Variants in HDAC3 observed in about 807,000 individuals in gnomAD.
HDAC3 encodes the protein histone deacetylase 3.
Under a neutral mutation model 62.3 loss-of-function variants are expected in HDAC3, and 21 were observed. The ratio of observed to expected loss-of-function variants is 0.34; its 90% confidence interval spans 0.24 to 0.49. The LOEUF (loss-of-function observed/expected upper bound fraction) is 0.49, where lower values mean the gene tolerates loss of function less well. HDAC3 is among the 20% of genes least tolerant of loss of function. The probability of loss-of-function intolerance (pLI) is 0.99; values close to 1 mark genes in which losing one functional copy is unlikely to be tolerated. For synonymous variants in HDAC3, 198 were observed against 206.5 expected, an observed-to-expected ratio of 0.96 and a Z score of 0.35; for missense variants, 270 against 556.9, an observed-to-expected ratio of 0.48 and a Z score of 5.19.
intron 14 of HDAC3, among the ~76,000 whole-genome samples, chr5:141,624,128 A>G (rs370226098): frequency 6.6e-6 from 1 of 151,578 alleles, no homozygotes; most frequent in South Asian, 2.1e-4. Context: ...AGAGCCTTAG[A>G]GAGTATTACG....
rs1014900523 is a variant in HDAC3 at position 141,626,636 on chromosome 5, A to G, written c.831-353T>C. Among the ~76,000 whole-genome samples the G allele has an allele frequency of 2.7e-4, 41 of 151,912 alleles. No individual in the cohort carries two copies. Among genetic ancestry groups the G allele is most frequent in the African/African-American group, 9.9e-4 (41 of 41,370 alleles). ...GCCTTTGTAGTAGTCCCAGCTACTC[A>G]GGAGGCTGAGGCAGGAGAAATGCTT... On this transcript the variant is annotated intron_variant, in intron 10 of 14. Transcript: ENST00000305264. This position sits in a 1 kb window ranked among gnomAD's most constrained non-coding sequence, Gnocchi z 4.6.
intron 3 of HDAC3, among the ~76,000 whole-genome samples, chr5:141,631,779 A>C (rs2545025): frequency 0.11 from 17,441 of 152,200 alleles, 1,092 homozygotes; most frequent in South Asian, 0.15. Flanking sequence ...GGTAAAAGGA[A>C]ACAATAATAG....
chr5:141,632,276 C>T (rs58343820), intron 3 of HDAC3, among the ~76,000 whole-genome samples: 8,217 of 152,028 alleles, frequency 0.054, 244 homozygotes, highest in African/African-American at 0.18. Flanking sequence ...CCACCCGCCT[C>T]GGCCTCCGAA....
At position 141,636,575 on chromosome 5, in the gene HDAC3, C is replaced by T. The variant is rs2099906050; in HGVS notation, c.111G>A (p.Leu37=). The T allele has an allele frequency of 1.2e-6, 2 of 1,613,936 alleles. No homozygotes were observed. The highest frequency in any genetic ancestry group is 2.7e-5 in the African/African-American group (2 of 74,878). The change falls in exon 2 of 15, where the codon CTG becomes CTA. Residue 37 remains leucine (L), a synonymous_variant. Transcript: ENST00000305264. The stretch of plus-strand genomic sequence containing the variant: ...TCATCTTCTTATAGAGACCGTAATG[C>T]AGGACCAGGCTATGGGTCAATGCCA... ...HRLALTHSLV[L]HYGLYKKMIV...
intron 3 of HDAC3, among the ~76,000 whole-genome samples, chr5:141,630,623 G>A (rs2099905065): frequency 6.6e-6 from 1 of 152,158 alleles, no homozygotes. Flanking sequence ...ATAAATGTCA[G>A]CTATAATTAT....
Position 141,621,185 on chromosome 5 carries a change from G to A in HDAC3, c.*283C>T, listed in dbSNP as rs1309797730. On this transcript the variant is annotated 3_prime_UTR_variant, in exon 15 of 15. Transcript: ENST00000305264. ...CGAGGGAAGCAGGGAAGAAATAAGG[G>A]GCAAGGGGGGCTAGGGACTGGCCTC... 2.6e-6 allele frequency: 1 copy of A among 379,056 alleles called. No individual in the cohort carries two copies. Among genetic ancestry groups the A allele is most frequent in the Non-Finnish European group, 4.8e-6 (1 of 208,164 alleles). 23.5% of individuals were successfully genotyped at this position (379,056 alleles called of 1,614,324 possible).
At position 141,628,214 on chromosome 5, in the gene HDAC3, T is replaced by C. The variant is rs771095793; in HGVS notation, c.692-27A>G. 62 of 1,600,162 alleles carry C rather than the reference T, an allele frequency of 3.9e-5. No homozygotes were observed. The highest frequency in any genetic ancestry group is 4.9e-5 in the Non-Finnish European group (57 of 1,167,518). ...TGGGAGAGGGCCAAAGATGGGCACCTGGCACCCCAAGGGGATGGGGAGACA... is the reference window on the plus strand; with the variant it reads ...TGGGAGAGGGCCAAAGATGGGCACCCGGCACCCCAAGGGGATGGGGAGACA... On this transcript the variant is annotated intron_variant, in intron 8 of 14. Coordinates refer to ENST00000305264, the MANE Select transcript of HDAC3 (RefSeq NM_003883.4). This position sits in a 1 kb window ranked among gnomAD's most constrained non-coding sequence, Gnocchi z 4.7.
rs752400539 is a variant in HDAC3 at position 141,628,080 on chromosome 5, C to A, written c.765+34G>T. On this transcript the variant is annotated intron_variant, in intron 9 of 14. Coordinates refer to ENST00000305264, the MANE Select transcript of HDAC3 (RefSeq NM_003883.4). The surrounding 1 kb of genome is among the most constrained non-coding windows in gnomAD (Gnocchi z 4.7). Reference sequence around the variant, plus strand: ...CTTGCTCTCTTTCCCCAAGCCCAGGCAGAACACTCCTGAGGAGGAACTGAC... The same window carrying A: ...CTTGCTCTCTTTCCCCAAGCCCAGGAAGAACACTCCTGAGGAGGAACTGAC... 9 of 1,609,092 alleles carry A rather than the reference C, an allele frequency of 5.6e-6. No individual in the cohort carries two copies. Among genetic ancestry groups the A allele is most frequent in the East Asian group, 2.2e-5 (1 of 44,858 alleles).
At chr5:141,634,578 G>A (rs1164839718) in intron 3 of HDAC3, among the ~76,000 whole-genome samples, 1 of 152,104 alleles carries the variant, frequency 6.6e-6, no homozygotes, top group Admixed American at 6.5e-5. Flanking sequence ...ATAAGACTTA[G>A]CAAAAATACG....
rs760925755 is a variant in HDAC3 at position 141,636,818 on chromosome 5, T to TCCGCCGC, written c.-35_-29dup. The stretch of plus-strand genomic sequence containing the variant: ...TGCCGGCGGGAGCAGGCCCCGCACC[T>TCCGCCGC]CCGCCGCCCGCCGCCCGCGGCCGCC... On this transcript the variant is annotated 5_prime_UTR_variant, in exon 1 of 15. Coordinates refer to ENST00000305264, the MANE Select transcript of HDAC3 (RefSeq NM_003883.4). 551 of 1,498,188 alleles carry TCCGCCGC rather than the reference T, an allele frequency of 3.7e-4. 6 individuals are homozygous for TCCGCCGC. In the African/African-American group the frequency reaches 4.8e-3, roughly 13 times the overall value. 92.8% of individuals were successfully genotyped at this position (1,498,188 alleles called of 1,614,324 possible).
intron 3 of HDAC3, among the ~76,000 whole-genome samples, chr5:141,631,250 C>T (rs868467467): frequency 1.3e-5 from 2 of 152,118 alleles, no homozygotes; most frequent in Non-Finnish European, 2.9e-5. Context: ...TGCAATGGTG[C>T]GATCTCGGCT....
At chr5:141,622,908 G>A (rs775701185) in intron 14 of HDAC3, among the ~76,000 whole-genome samples, 1 of 152,120 alleles carries the variant, frequency 6.6e-6, no homozygotes, top group South Asian at 2.1e-4. Context: ...ATCACCTGAG[G>A]TCAGGAGTTC....
At chr5:141,627,231 T>C (rs200266927) in intron 10 of HDAC3, among the ~76,000 whole-genome samples, 1 of 152,172 alleles carries the variant, frequency 6.6e-6, no homozygotes, top group East Asian at 1.9e-4. Context: ...TGCACCATCA[T>C]GCCCAGCTGA....
chr5:141,625,097 TA>T lies in HDAC3; in HGVS notation c.1217+110del. 2.1e-6 allele frequency: 2 copies of T among 956,702 alleles called. No individual in the cohort carries two copies. The highest frequency in any genetic ancestry group is 3.1e-6 in the Non-Finnish European group (2 of 644,304). The allele number at this position is 956,702 out of a possible 1,614,324, so 59.3% of individuals were successfully genotyped here. A position where few individuals can be genotyped will look rare whatever the true frequency, so the allele number is the denominator to read the frequency against. On this transcript the variant is annotated intron_variant, in intron 14 of 14. Coordinates refer to ENST00000305264, the MANE Select transcript of HDAC3 (RefSeq NM_003883.4). This position sits in a 1 kb window ranked among gnomAD's most constrained non-coding sequence, Gnocchi z 4.0. ...AAAGAGTGAGGAAATTGTAGCAGAC[TA>T]AAGGAGGTAAGCCAGAGGCAATTAA...
Position 141,621,181 on chromosome 5 carries a change from A to C in HDAC3, c.*287T>G. The C allele has an allele frequency of 2.8e-6, 1 of 358,264 alleles. No homozygotes were observed. Among genetic ancestry groups the C allele is most frequent in the Non-Finnish European group, 5.1e-6 (1 of 195,824 alleles). The allele number at this position is 358,264 out of a possible 1,614,324, so 22.2% of individuals were successfully genotyped here. Reference sequence around the variant, plus strand: ...GGTTCGAGGGAAGCAGGGAAGAAATAAGGGGCAAGGGGGGCTAGGGACTGG... The same window carrying C: ...GGTTCGAGGGAAGCAGGGAAGAAATCAGGGGCAAGGGGGGCTAGGGACTGG... On this transcript the variant is annotated 3_prime_UTR_variant, in exon 15 of 15. Coordinates refer to ENST00000305264, the MANE Select transcript of HDAC3 (RefSeq NM_003883.4).
chr5:141,621,253 T>C lies in HDAC3; in HGVS notation c.*215A>G, dbSNP rs2154597665. 1 of 556,134 alleles carries C rather than the reference T, an allele frequency of 1.8e-6. No individual in the cohort carries two copies. The highest frequency in any genetic ancestry group is 3.2e-6 in the Non-Finnish European group (1 of 312,002). The allele number at this position is 556,134 out of a possible 1,614,324, so 34.4% of individuals were successfully genotyped here. On this transcript the variant is annotated 3_prime_UTR_variant, in exon 15 of 15. Transcript: ENST00000305264. Reference sequence around the variant, plus strand: ...AATGTCCCAGATAGCTATCCTTGTCTGTATCTCATCCCTAATAGGTACCAT... The same window carrying C: ...AATGTCCCAGATAGCTATCCTTGTCCGTATCTCATCCCTAATAGGTACCAT...
chr5:141,631,400 C>G (rs1360081631), intron 3 of HDAC3, among the ~76,000 whole-genome samples: 1 of 152,080 alleles, frequency 6.6e-6, no homozygotes, highest in Admixed American at 6.5e-5. Context: ...CCAGGAAAAA[C>G]AAAAAGCTTT....
intron 9 of HDAC3, 21 bp from the exon 10 acceptor site, chr5:141,627,978 G>A: frequency 6.2e-7 from 1 of 1,613,910 alleles, no homozygotes; most frequent in Non-Finnish European, 8.5e-7. Flanking sequence ...CAAAACCCCA[G>A]GAAAGTGCAG....
chr5:141,635,116 AAGTT>A, intron 2 of HDAC3, 163 bp from the exon 3 acceptor site: 1 of 634,698 alleles, frequency 1.6e-6, no homozygotes. Flanking sequence ...TTAACCAGGT[AAGTT>A]ATTACAAATG....
Sources: allele counts gnomAD v4.1 joint callset (sites outside exome capture counted in the v4.1 genomes callset), GRCh38; gene constraint gnomAD v4.1.1; non-coding constraint Gnocchi (gnomAD v3.1); transcripts MANE v1.5; gene names NCBI Gene and HGNC (gene_info 2026-07-23, HGNC 2026-07-21).